Variants in MYO5B observed in about 807,000 individuals in gnomAD.
MYO5B encodes unconventional myosin-Vb.
A neutral mutation model predicts 229.3 loss-of-function variants in MYO5B; 143 were observed. The ratio of observed to expected loss-of-function variants is 0.62; its 90% CI spans 0.54 to 0.72. The LOEUF (loss-of-function observed/expected upper bound fraction) is 0.72, where lower values mean the gene tolerates loss of function less well. MYO5B is among the 30% of genes least tolerant of loss of function. The pLI is 0.00. For synonymous variants in MYO5B, 918 were observed against 885.2 expected, an observed-to-expected ratio of 1.04 and a Z score of -0.66; for missense variants, 2,321 against 2,331.0, an observed-to-expected ratio of 1.00 and a Z score of 0.09.
chr18:49,918,533 T>C (rs1447540783), intron 17 of MYO5B, among the ~76,000 whole-genome samples: 3 of 152,226 alleles, frequency 2.0e-5, no homozygotes, highest in Non-Finnish European at 4.4e-5. Context: ...TATACCATCA[T>C]GCAACCTAGC....
rs115108744 is a variant in MYO5B at position 49,977,537 on chromosome 18, T to G, written c.1056+2907A>C. ...ATGCATTTCTCAAGCACACATTCTG[T>G]GCCTGGCACTGTGAGGGCACCAATG... is the stretch of plus-strand genomic sequence containing the variant. On this transcript the variant is annotated intron_variant, in intron 9 of 39. Coordinates refer to ENST00000285039, the MANE Select transcript of MYO5B (RefSeq NM_001080467.3). Among the ~76,000 whole-genome samples the G allele has an allele frequency of 6.3e-3, 963 of 152,204 alleles. 9 individuals are homozygous for G. Among genetic ancestry groups the G allele is most frequent in the African/African-American group, 0.022 (916 of 41,534 alleles).
At chr18:50,040,049 A>T (rs2029963482) in intron 3 of MYO5B, 94 bp downstream of exon 3, 1 of 1,327,184 alleles carries the variant, frequency 7.5e-7, no homozygotes, top group Non-Finnish European at 1.1e-6. Context: ...CAAATGAGAG[A>T]GTGAAATGAG....
At chr18:49,853,012 A>G (rs1262579991) in intron 31 of MYO5B, among the ~76,000 whole-genome samples, 1 of 152,224 alleles carries the variant, frequency 6.6e-6, no homozygotes. Flanking sequence ...AGAGGCCCCA[A>G]CAACTTCTTC....
chr18:50,109,004 G>A (rs1357472168), intron 1 of MYO5B, among the ~76,000 whole-genome samples: 1 of 152,272 alleles, frequency 6.6e-6, no homozygotes, highest in East Asian at 1.9e-4. Flanking sequence ...TAAAGTCACT[G>A]GGGTGATGAT....
chr18:49,863,076 G>C (rs2024350338), intron 29 of MYO5B, 151 bp downstream of exon 29: 2 of 709,968 alleles, frequency 2.8e-6, no homozygotes, highest in Non-Finnish European at 5.1e-6. Flanking sequence ...AGTAGGGCAG[G>C]GGTTCTGAGT....
At chr18:49,940,610 T>C (rs1057276137) in intron 14 of MYO5B, among the ~76,000 whole-genome samples, 6 of 152,176 alleles carry the variant, frequency 3.9e-5, no homozygotes, top group Non-Finnish European at 8.8e-5. Context: ...ATGCAGACAC[T>C]TTGCTCAGTG....
At chr18:49,974,302 G>A (rs1598923450) in intron 10 of MYO5B, 48 bp downstream of exon 10, 1 of 1,613,532 alleles carries the variant, frequency 6.2e-7, no homozygotes, top group Non-Finnish European at 8.5e-7. Context: ...GTATGAGCAG[G>A]AAGCCACTCC....
intron 1 of MYO5B, among the ~76,000 whole-genome samples, chr18:50,066,646 C>T (rs530246506): frequency 1.3e-5 from 2 of 152,330 alleles, no homozygotes; most frequent in South Asian, 4.1e-4. Context: ...GTTCCCGAAT[C>T]AACACACACA....
intron 17 of MYO5B, among the ~76,000 whole-genome samples, chr18:49,918,746 A>T (rs1164172296): frequency 6.6e-6 from 1 of 152,218 alleles, no homozygotes; most frequent in African/African-American, 2.4e-5. Flanking sequence ...CTGTCTCTGG[A>T]TATTGAGACA....
At chr18:49,920,972 T>G (rs185457847) in intron 17 of MYO5B, among the ~76,000 whole-genome samples, 2 of 152,196 alleles carry the variant, frequency 1.3e-5, no homozygotes, top group Non-Finnish European at 1.5e-5. Flanking sequence ...CCTGAGATAA[T>G]GACTCATATC....
At chr18:49,917,950 G>T (rs2025034785) in intron 17 of MYO5B, among the ~76,000 whole-genome samples, 2 of 152,188 alleles carry the variant, frequency 1.3e-5, no homozygotes, top group South Asian at 4.1e-4. Context: ...GTAGGAAGAG[G>T]GAGAGATCAG....
At chr18:50,180,089 G>A (rs2033051203) in intron 1 of MYO5B, among the ~76,000 whole-genome samples, 1 of 152,164 alleles carries the variant, frequency 6.6e-6, no homozygotes, top group African/African-American at 2.4e-5. Context: ...CACCTGAAAA[G>A]GAAAAGCATG....
chr18:49,886,967 C>A (rs2024649875), intron 22 of MYO5B, among the ~76,000 whole-genome samples: 1 of 152,142 alleles, frequency 6.6e-6, no homozygotes, highest in African/African-American at 2.4e-5. Context: ...TTCATTTCCT[C>A]CAAATCTCGT....
intron 17 of MYO5B, among the ~76,000 whole-genome samples, chr18:49,919,479 CAAG>C (rs2025051784): frequency 2.0e-5 from 3 of 152,188 alleles, no homozygotes; most frequent in South Asian, 4.2e-4. Flanking sequence ...TATAACTCAA[CAAG>C]AAGACAAGTA....
intron 22 of MYO5B, among the ~76,000 whole-genome samples, chr18:49,890,080 A>G (rs1330974640): frequency 6.6e-6 from 1 of 152,190 alleles, no homozygotes; most frequent in African/African-American, 2.4e-5. Context: ...GCAGGAAAGG[A>G]CCAATCCCAC....
chr18:50,033,051 AG>A (rs2026407869), intron 4 of MYO5B, among the ~76,000 whole-genome samples: 1 of 152,054 alleles, frequency 6.6e-6, no homozygotes. Flanking sequence ...GCTGGGTCAT[AG>A]GGGGATTTTT....
At chr18:49,964,228 C>T (rs993528675) in intron 10 of MYO5B, among the ~76,000 whole-genome samples, 3 of 152,196 alleles carry the variant, frequency 2.0e-5, no homozygotes, top group Admixed American at 6.5e-5. Flanking sequence ...CACCTCCAGC[C>T]TCACAATGTA....
At chr18:50,094,042 A>C (rs1281667008) in intron 1 of MYO5B, among the ~76,000 whole-genome samples, 1 of 152,232 alleles carries the variant, frequency 6.6e-6, no homozygotes, top group Non-Finnish European at 1.5e-5. Context: ...TTACTTTAAT[A>C]AACTTCCTTT....
Position 49,895,007 on chromosome 18 carries a change from C to T in MYO5B, c.2979G>A (p.Gln993=). 1 of 1,613,958 alleles carries T rather than the reference C, an allele frequency of 6.2e-7. No homozygotes were observed. Among genetic ancestry groups the T allele is most frequent in the Non-Finnish European group, 8.5e-7 (1 of 1,180,034 alleles). The part of the protein sequence containing the change: ...EEVESLRTEL[Q]RAHSERKILE... ...AGATCTTGCGCTCCGAGTGGGCCCT[C>T]TGCAGCTCTGTGCGCAGGCTCTCCA... is the stretch of plus-strand genomic sequence containing the variant. Residue 993 remains glutamine, a synonymous_variant, in exon 22 of 40, where the codon CAG becomes CAA. Coordinates refer to ENST00000285039, the MANE Select transcript of MYO5B (RefSeq NM_001080467.3).
Sources: gnomAD v4.1 joint callset for allele counts (sites outside exome capture counted in the v4.1 genomes callset) on GRCh38, gnomAD v4.1.1 for gene constraint, MANE v1.5 for transcripts, NCBI Gene and HGNC (gene_info 2026-07-23, HGNC 2026-07-21) for gene names.